Variants in PAK1 observed in about 807,000 individuals in gnomAD.
The protein encoded by PAK1 is p21 (RAC1) activated kinase 1, also known as serine/threonine-protein kinase PAK 1.
A neutral mutation model predicts 67.4 loss-of-function variants in PAK1; 29 were observed. The observed-to-expected ratio is 0.43, with a 90% CI of 0.32 to 0.59. The LOEUF is 0.59. PAK1 is among the 20% of genes least tolerant of loss of function. The pLI is 0.07. For missense variants in PAK1, 337 were observed against 670.7 expected, an observed-to-expected ratio of 0.50 and a Z score of 5.50; for synonymous variants, 223 against 237.4, an observed-to-expected ratio of 0.94 and a Z score of 0.56.
At chr11:77,398,667 T>C (rs1016542489) in intron 1 of PAK1, among the ~76,000 whole-genome samples, 8 of 152,236 alleles carry the variant, frequency 5.3e-5, no homozygotes, top group African/African-American at 1.4e-4. Flanking sequence ...CTCTTCAATA[T>C]ACCAATTTCC....
intron 6 of PAK1, chr11:77,356,070 A>G (rs975394638): frequency 2.4e-6 from 1 of 424,318 alleles, no homozygotes; most frequent in Admixed American, 4.0e-5. Context: ...TCAGCACTAA[A>G]GATATTCAAT....
At chr11:77,379,164 A>G (rs982037698) in intron 4 of PAK1, 77 bp downstream of exon 4, 9 of 1,220,922 alleles carry the variant, frequency 7.4e-6, no homozygotes, top group Admixed American at 7.2e-5. Context: ...CTCATCCCAG[A>G]CTAATAGGCA....
intron 5 of PAK1, among the ~76,000 whole-genome samples, chr11:77,365,151 G>A (rs1359347111): frequency 6.6e-6 from 1 of 151,186 alleles, no homozygotes; most frequent in African/African-American, 2.4e-5. Context: ...ACTCAAGAGG[G>A]TGAGGCAGGA....
intron 13 of PAK1, among the ~76,000 whole-genome samples, chr11:77,335,152 A>G (rs566829785): frequency 4.7e-4 from 71 of 152,300 alleles, no homozygotes; most frequent in Admixed American, 2.0e-3. Flanking sequence ...CAACCTGTAA[A>G]CAGTGGAATA....
chr11:77,336,344 T>TATA, intron 12 of PAK1, 62 bp from the exon 13 acceptor site: 6 of 1,307,562 alleles, frequency 4.6e-6, no homozygotes, highest in Non-Finnish European at 5.4e-6. Flanking sequence ...TCAGTAAGTG[T>TATA]TGACTGTGTA....
At chr11:77,345,361 T>C (rs954014625) in intron 9 of PAK1, among the ~76,000 whole-genome samples, 2 of 152,064 alleles carry the variant, frequency 1.3e-5, no homozygotes, top group African/African-American at 4.8e-5. Context: ...GGCAATGGGC[T>C]CCTCTATCCC....
At position 77,343,699 on chromosome 11, in the gene PAK1, T is replaced by A. The variant is rs1387480300; in HGVS notation, c.998+120A>T. 4.3e-6 allele frequency: 3 copies of A among 689,828 alleles called. No homozygotes were observed. In the East Asian group the frequency reaches 7.6e-5, roughly 17 times the overall value. The allele number at this position is 689,828 out of a possible 1,614,324, so 42.7% of individuals were successfully genotyped here. ...AGGGTCACATACAGAGAGCTCAGCATCACAGAAGACTCATAAATGGAGGCA... is the reference window on the plus strand; with the variant it reads ...AGGGTCACATACAGAGAGCTCAGCAACACAGAAGACTCATAAATGGAGGCA... On this transcript the variant is annotated intron_variant, in intron 10 of 14. Coordinates refer to ENST00000356341, the MANE Select transcript of PAK1 (RefSeq NM_002576.5).
At chr11:77,454,671 T>C (rs965413772) in intron 1 of PAK1, among the ~76,000 whole-genome samples, 1 of 152,190 alleles carries the variant, frequency 6.6e-6, no homozygotes, top group Non-Finnish European at 1.5e-5. Context: ...GTCTGAGATG[T>C]GGCTCCAGAA....
At chr11:77,483,772 C>G in the PAK1 span, among the ~76,000 whole-genome samples, 1 of 152,158 alleles carries the variant, frequency 6.6e-6, no homozygotes, top group African/African-American at 2.4e-5. Context: ...GTAATGAGAA[C>G]TAACTATAAC....
At chr11:77,423,653 A>C (rs1955401866) in intron 1 of PAK1, among the ~76,000 whole-genome samples, 2 of 152,318 alleles carry the variant, frequency 1.3e-5, no homozygotes, top group African/African-American at 4.8e-5. Context: ...GTTAAGGGAC[A>C]ACCATTATTA....
chr11:77,466,719 C>A (rs1324649801), intron 1 of PAK1, among the ~76,000 whole-genome samples: 2 of 152,116 alleles, frequency 1.3e-5, no homozygotes, highest in South Asian at 2.1e-4. Flanking sequence ...AATTGTTGTG[C>A]ATATATCCAC....
chr11:77,483,769 G>A, the PAK1 span, among the ~76,000 whole-genome samples: 1 of 152,176 alleles, frequency 6.6e-6, no homozygotes, highest in Admixed American at 6.5e-5. Flanking sequence ...TGAGTAATGA[G>A]AACTAACTAT....
At chr11:77,515,527 T>C in the PAK1 span, among the ~76,000 whole-genome samples, 1 of 152,300 alleles carries the variant, frequency 6.6e-6, no homozygotes, top group South Asian at 2.1e-4. Context: ...CTTCTATGGA[T>C]CATAGAAAAC....
chr11:77,323,968 T>C (rs1024240301), intron 14 of PAK1, among the ~76,000 whole-genome samples: 1 of 152,218 alleles, frequency 6.6e-6, no homozygotes, highest in African/African-American at 2.4e-5. Flanking sequence ...TTTAGGAGCA[T>C]TGATCTAGGA....
Position 77,333,748 on chromosome 11 carries a change from C to CACTTA in PAK1, c.1414-886_1414-882dup, listed in dbSNP as rs1247024546. ...AGACTAAATCTTTACAAGCACTCAGCACTTAATTCAAAGAGTACTTACATA... is the reference window on the plus strand; with the variant it reads ...AGACTAAATCTTTACAAGCACTCAGCACTTAACTTAATTCAAAGAGTACTTACATA... On this transcript the variant is annotated intron_variant, in intron 13 of 14. Coordinates refer to ENST00000356341, the MANE Select transcript of PAK1 (RefSeq NM_002576.5). Among the ~76,000 whole-genome samples the CACTTA allele has an allele frequency of 9.9e-5, 15 of 152,246 alleles. No individual in the cohort carries two copies. The East Asian group carries it at 2.9e-3, about 29-fold the overall frequency.
chr11:77,421,478 A>G (rs185215271), intron 1 of PAK1, among the ~76,000 whole-genome samples: 3 of 152,276 alleles, frequency 2.0e-5, no homozygotes, highest in Non-Finnish European at 4.4e-5. Context: ...CCTGGCACTT[A>G]TCATCAACTG....
chr11:77,379,159 C>A (rs1272900289), intron 4 of PAK1, 82 bp downstream of exon 4: 8 of 1,203,232 alleles, frequency 6.6e-6, no homozygotes, highest in Admixed American at 4.8e-5. Flanking sequence ...CTTCTCTCAT[C>A]CCAGACTAAT....
At chr11:77,368,122 G>C (rs950455792) in intron 5 of PAK1, among the ~76,000 whole-genome samples, 9 of 152,184 alleles carry the variant, frequency 5.9e-5, no homozygotes, top group Non-Finnish European at 1.3e-4. Flanking sequence ...CAGGCCGAAA[G>C]AGTTCACAAA....
intron 9 of PAK1, 92 bp downstream of exon 9, chr11:77,349,147 A>T: frequency 1.1e-6 from 1 of 890,540 alleles, no homozygotes; most frequent in Non-Finnish European, 1.8e-6. Flanking sequence ...AAAAACCTAG[A>T]ACTGTTCCTG....
Sources: allele counts gnomAD v4.1 joint callset (sites outside exome capture counted in the v4.1 genomes callset), GRCh38; gene constraint gnomAD v4.1.1; transcripts MANE v1.5; gene names NCBI Gene and HGNC (gene_info 2026-07-23, HGNC 2026-07-21).